SLC13A3: variants seen among roughly 807,000 people sequenced by gnomAD.
SLC13A3 encodes Na(+)/dicarboxylate cotransporter 3.
In SLC13A3, 40 loss-of-function variants were observed where a neutral mutation model predicts 59.0. The observed-to-expected ratio is 0.68, with a 90% CI of 0.53 to 0.88. The LOEUF is 0.88. SLC13A3 is among the 40% of genes least tolerant of loss of function. SLC13A3 has a pLI of 0.00. For synonymous variants in SLC13A3, 317 were observed against 330.3 expected, an observed-to-expected ratio of 0.96 and a Z score of 0.44; for missense variants, 699 against 783.2, an observed-to-expected ratio of 0.89 and a Z score of 1.28.
At chr20:46,679,731 A>T (rs1019970324) in intron 1 of SLC13A3, among the ~76,000 whole-genome samples, 4 of 151,928 alleles carry the variant, frequency 2.6e-5, no homozygotes, top group African/African-American at 9.7e-5. Flanking sequence ...ATATGGTGAT[A>T]TCCCCGTCTT....
intron 5 of SLC13A3, among the ~76,000 whole-genome samples, chr20:46,595,305 T>G (rs1285491976): frequency 1.3e-5 from 2 of 152,226 alleles, no homozygotes; most frequent in Non-Finnish European, 2.9e-5. Context: ...TTGGAACATC[T>G]TTTCTTTTCT....
chr20:46,679,482 C>T lies in SLC13A3; in HGVS notation c.-31+4914G>A, dbSNP rs151329513. On this transcript the variant is annotated intron_variant, in intron 1 of 6. Coordinates refer to the SLC13A3 transcript ENST00000372121. ...TACAAAAATTCGCCGGGCGTGGTGG[C>T]GGGCGCCTGTAGTCCCAGCTACTTG... Among the ~76,000 whole-genome samples, 224 of 151,944 alleles carry T rather than the reference C, an allele frequency of 1.5e-3. 2 individuals are homozygous for T. The highest frequency in any genetic ancestry group is 1.7e-3 in the Non-Finnish European group (117 of 67,936).
At chr20:46,654,785 C>A (rs531799972), upstream of SLC13A3, among the ~76,000 whole-genome samples, 6 of 152,288 alleles carry the variant, frequency 3.9e-5, no homozygotes, top group African/African-American at 1.4e-4. Context: ...CCGGCCTAGG[C>A]AACACAAATT....
rs141742639 is a variant in SLC13A3 at position 46,630,130 on chromosome 20, G to C, written c.112-16405C>G. Among the ~76,000 whole-genome samples, 669 of 152,274 alleles carry C rather than the reference G, an allele frequency of 4.4e-3. 9 individuals carry two copies. The highest frequency in any genetic ancestry group is 0.015 in the African/African-American group (643 of 41,548). ...AGAACATGCCTCTCCTCTAAGCAAG[G>C]GGGAGCCCCTTACTCAATGCGAAGA... On this transcript the variant is annotated intron_variant, in intron 1 of 12. Transcript: ENST00000279027.
intron 1 of SLC13A3, among the ~76,000 whole-genome samples, chr20:46,662,663 C>T (rs879764657): frequency 2.0e-5 from 3 of 152,194 alleles, no homozygotes; most frequent in Non-Finnish European, 4.4e-5. Flanking sequence ...TTGAAATATA[C>T]AACAAGATCC....
intron 1 of SLC13A3, among the ~76,000 whole-genome samples, chr20:46,661,474 G>A (rs758433721): frequency 7.2e-5 from 11 of 152,292 alleles, no homozygotes; most frequent in East Asian, 5.8e-4. Flanking sequence ...ATCTGAGACC[G>A]GAGCACTGGT....
chr20:46,591,381 T>C (rs1051944778), intron 6 of SLC13A3, among the ~76,000 whole-genome samples: 5 of 152,184 alleles, frequency 3.3e-5, no homozygotes, highest in Non-Finnish European at 7.4e-5. Flanking sequence ...GCATACCTCT[T>C]AGCGCTGTTT....
At chr20:46,662,021 A>G (rs1010744430) in intron 1 of SLC13A3, among the ~76,000 whole-genome samples, 2 of 152,216 alleles carry the variant, frequency 1.3e-5, no homozygotes, top group Non-Finnish European at 2.9e-5. Context: ...TATCTCCATT[A>G]TAAGCTACAC....
rs879750060 is a variant in SLC13A3, at chr20:46,613,981, G to C, written c.112-256C>G. 6.8e-6 allele frequency: 3 copies of C among 439,572 alleles called. No homozygotes were observed. In the Admixed American group the frequency reaches 1.2e-4, roughly 18 times the overall value. 27.2% of individuals were successfully genotyped at this position (439,572 alleles called of 1,614,324 possible). A position where few individuals can be genotyped will look rare whatever the true frequency, so the allele number is the denominator to read the frequency against. On this transcript the variant is annotated intron_variant, in intron 1 of 12. Transcript: ENST00000279027. ...AATTATAAAATGAGGAAGCTATTTT[G>C]GTTCACCTCATAGGACTGTTTGAGA...
chr20:46,573,778 G>A (rs976220650), intron 10 of SLC13A3, among the ~76,000 whole-genome samples: 3 of 152,236 alleles, frequency 2.0e-5, no homozygotes, highest in African/African-American at 7.2e-5. Flanking sequence ...GTAGAGCCTA[G>A]ATTGACCAGG....
chr20:46,648,923 A>T (rs2062924112), intron 1 of SLC13A3, among the ~76,000 whole-genome samples: 1 of 144,100 alleles, frequency 6.9e-6, no homozygotes, highest in African/African-American at 2.9e-5. Context: ...TCTCACACAC[A>T]CACACACACA....
At chr20:46,673,669 C>T (rs1304031080), upstream of SLC13A3, 1 of 152,236 alleles carries the variant, frequency 6.6e-6, no homozygotes, top group Non-Finnish European at 1.5e-5. Flanking sequence ...GTCACTCACC[C>T]TGTACAAAAT....
chr20:46,643,654 G>A (rs187318639), intron 1 of SLC13A3, among the ~76,000 whole-genome samples: 22 of 152,298 alleles, frequency 1.4e-4, no homozygotes, highest in Admixed American at 1.3e-3. Context: ...AGCTAGCTAC[G>A]ATCTGAATAG....
intron 3 of SLC13A3, among the ~76,000 whole-genome samples, chr20:46,602,956 A>T (rs572819339): frequency 6.6e-6 from 1 of 152,280 alleles, no homozygotes; most frequent in East Asian, 1.9e-4. Flanking sequence ...AGGTGGGCAG[A>T]TCACCTGAGG....
intron 10 of SLC13A3, 62 bp from the exon 11 acceptor site, chr20:46,566,452 G>A (rs549559583): frequency 1.9e-6 from 3 of 1,547,436 alleles, no homozygotes; most frequent in East Asian, 4.6e-5. Flanking sequence ...CCCCCAGAGA[G>A]GGTTAGGATA....
chr20:46,621,331 TTG>T (rs1367395971), intron 1 of SLC13A3, among the ~76,000 whole-genome samples: 1 of 152,224 alleles, frequency 6.6e-6, no homozygotes, highest in African/African-American at 2.4e-5. Flanking sequence ...TGACTTCTTT[TTG>T]TTCCTAATCT....
upstream of SLC13A3, chr20:46,651,475 G>C (rs754035768): frequency 1.5e-4 from 205 of 1,367,106 alleles, no homozygotes; most frequent in Middle Eastern, 2.7e-4. Flanking sequence ...GCCTGGCCCC[G>C]GCGCCGGCTT....
upstream of SLC13A3, among the ~76,000 whole-genome samples, chr20:46,671,204 G>A (rs1173831891): frequency 6.6e-6 from 1 of 152,136 alleles, no homozygotes; most frequent in Non-Finnish European, 1.5e-5. Flanking sequence ...CAGAGTGGCT[G>A]ACATCCAGTT....
At chr20:46,597,782 T>C (rs2062329612) in intron 4 of SLC13A3, among the ~76,000 whole-genome samples, 1 of 152,244 alleles carries the variant, frequency 6.6e-6, no homozygotes, top group Admixed American at 6.5e-5. Context: ...TCTAGAATGG[T>C]ATTCATTTAA....
Sources: allele counts gnomAD v4.1 joint callset (sites outside exome capture counted in the v4.1 genomes callset), GRCh38; gene constraint gnomAD v4.1.1; transcripts MANE v1.5; gene names NCBI Gene and HGNC (gene_info 2026-07-23, HGNC 2026-07-21).